The following CDK16 variants were observed in gnomAD, a reference collection of about 807,000 sequenced individuals.
CDK16 encodes the protein cyclin dependent kinase 16.
CDK16 carries 2 observed loss-of-function variants against 41.6 expected under a neutral mutation model. The ratio of observed to expected loss-of-function variants is 0.05; its 90% CI spans 0.02 to 0.15. The LOEUF is 0.15. Ranked by LOEUF, CDK16 falls within the 10% of genes least tolerant of loss-of-function variation. The pLI, the probability that CDK16 is intolerant of heterozygous loss-of-function variation, is 1.00. For missense variants in CDK16, 228 were observed against 428.9 expected, an observed-to-expected ratio of 0.53 and a Z score of 4.14; for synonymous variants, 169 against 169.7, an observed-to-expected ratio of 1.00 and a Z score of 0.03.
Position 47,224,683 on chromosome X carries a change from G to A in CDK16, c.402G>A (p.Leu134=). ...TGCCTGAGGGCTACCTGGAGAAGCT[G>A]ACCCTCAATAGCCCCATCTTTGACA... ...IRLPEGYLEK[L]TLNSPIFDKP... Residue 134 remains leucine (L), a synonymous_variant, in exon 4 of 16, where the codon CTG becomes CTA. Transcript: ENST00000357227. 1 of 1,211,513 alleles carries A rather than the reference G, an allele frequency of 8.3e-7. No homozygotes were observed.
rs377055494 is a variant in CDK16, at chrX:47,224,910, C to T, written c.519+20C>T. On this transcript the variant is annotated intron_variant, in intron 5 of 15. Transcript: ENST00000357227. The stretch of plus-strand genomic sequence containing the variant: ...GGCGAGGTGAGAGGCAAATAGGAGG[C>T]CCATGGTGGGGATGAAGGTCAGTGG... 929 of 1,205,278 alleles carry T rather than the reference C, an allele frequency of 7.7e-4. No individual in the cohort carries two copies. The highest frequency in any genetic ancestry group is 9.3e-4 in the Non-Finnish European group (829 of 891,580).
chrX:47,219,977 G>T lies in CDK16; in HGVS notation c.-7+872G>T, dbSNP rs782224644. ...GAATTGCGTGTCTGTCTGGGCCCAG[G>T]AAGGAGTGGTGGGGAAGTGTCTTAG... is the stretch of plus-strand genomic sequence containing the variant. On this transcript the variant is annotated intron_variant, in intron 1 of 15. Transcript: ENST00000357227. Among the ~76,000 whole-genome samples the T allele has an allele frequency of 7.2e-5, 8 of 110,732 alleles. No homozygotes were observed. The South Asian group carries it at 3.1e-3, about 43-fold the overall frequency.
rs1200465551 is a variant in CDK16 at position 47,224,714 on chromosome X, C to A, written c.433C>A (p.Leu145Ile). 1 of 1,209,909 alleles carries A rather than the reference C, an allele frequency of 8.3e-7. No individual in the cohort carries two copies. The highest frequency in any genetic ancestry group is 1.8e-5 in the African/African-American group (1 of 57,060). The change falls in exon 4 of 16, where the codon CTC becomes ATC. Residue 145 changes from leucine to isoleucine, a missense_variant. Leu to Ile is a conservative substitution (Grantham distance 5). Coordinates refer to ENST00000357227, the MANE Select transcript of CDK16 (RefSeq NM_006201.5). ...TLNSPIFDKP[L>I]SRRLRRVSLS... Reference sequence around the variant, plus strand: ...CAATAGCCCCATCTTTGACAAGCCCCTCAGCCGCCGCCTCCGTCGTGTCAG... The same window carrying A: ...CAATAGCCCCATCTTTGACAAGCCCATCAGCCGCCGCCTCCGTCGTGTCAG...
chrX:47,219,791 C>T (rs1379770400), intron 1 of CDK16, among the ~76,000 whole-genome samples: 2 of 110,494 alleles, frequency 1.8e-5, no homozygotes, highest in Non-Finnish European at 3.8e-5. Flanking sequence ...GTGTGTGCGC[C>T]AGTGGGGGTC....
chrX:47,220,965 G>C (rs1019831412), intron 1 of CDK16, among the ~76,000 whole-genome samples: 1 of 110,994 alleles, frequency 9.0e-6, no homozygotes, highest in South Asian at 3.8e-4. Flanking sequence ...CCAGGGAGGG[G>C]CCCAAGAATG....
chrX:47,228,470 G>A (rs948239678), intron 14 of CDK16, 97 bp from the exon 15 acceptor site: 3 of 663,064 alleles, frequency 4.5e-6, no homozygotes. Context: ...CTCAGAGAAG[G>A]GGCAGCTTTT....
chrX:47,218,706 G>A lies in CDK16; in HGVS notation c.-406G>A. ...CCACTTCACCCTTCCGAGCGCCTGC[G>A]TGCGCATGCGCGGAGCGCGGCGCGC... is the stretch of plus-strand genomic sequence containing the variant. On this transcript the variant is annotated 5_prime_UTR_variant, in exon 1 of 16. In the 5' UTR this introduces an upstream ATG that the reference lacks. Coordinates refer to ENST00000357227, the MANE Select transcript of CDK16 (RefSeq NM_006201.5). The A allele has an allele frequency of 8.6e-7, 1 of 1,164,575 alleles. No homozygotes were observed. The highest frequency in any genetic ancestry group is 1.1e-6 in the Non-Finnish European group (1 of 871,973).
In CDK16 at chrX:47,229,105, C is replaced by G. The variant is rs372981522; in HGVS notation, c.*337C>G. 4.2e-4 allele frequency: 150 copies of G among 355,502 alleles called. No homozygotes were observed. In the East Asian group the frequency reaches 6.6e-3, roughly 16 times the overall value. 29.3% of individuals were successfully genotyped at this position (355,502 alleles called of 1,213,427 possible). On this transcript the variant is annotated 3_prime_UTR_variant, in exon 16 of 16. Transcript: ENST00000357227. The stretch of plus-strand genomic sequence containing the variant: ...CATACCAGCCCCCAGGACCACTACC[C>G]CACGGCCAGCCAGGGGTCCAGAGCT...
chrX:47,223,870 C>A (rs755643650), intron 2 of CDK16, 111 bp downstream of exon 2: 7 of 621,192 alleles, frequency 1.1e-5, no homozygotes, highest in African/African-American at 1.1e-4. Flanking sequence ...TTCTCTGCCC[C>A]CCATGTGCTC....
In CDK16 at chrX:47,227,172, T is replaced by C. The variant is rs1602693572; in HGVS notation, c.1242-9T>C. On this transcript the variant is annotated splice_polypyrimidine_tract_variant and intron_variant, in intron 12 of 15. Coordinates refer to ENST00000357227, the MANE Select transcript of CDK16 (RefSeq NM_006201.5). ...CATTTTAAATCAGGTCTCTTTGTCCTTGTGGCAGACTTGATAGCGACGGGG... is the reference window on the plus strand; with the variant it reads ...CATTTTAAATCAGGTCTCTTTGTCCCTGTGGCAGACTTGATAGCGACGGGG... The C allele has an allele frequency of 4.1e-6, 5 of 1,210,388 alleles. No individual in the cohort carries two copies. In the East Asian group the frequency reaches 8.9e-5, roughly 21 times the overall value.
intron 8 of CDK16, 92 bp downstream of exon 8, chrX:47,226,119 CT>C: frequency 9.0e-7 from 1 of 1,117,222 alleles, no homozygotes; most frequent in Non-Finnish European, 1.2e-6. Flanking sequence ...TTCCCTTTGG[CT>C]TTTTTTGCTA....
At chrX:47,219,513 A>T (rs1343346311) in intron 1 of CDK16, among the ~76,000 whole-genome samples, 1 of 107,552 alleles carries the variant, frequency 9.3e-6, no homozygotes, top group African/African-American at 3.4e-5. Flanking sequence ...GAGGGACCCG[A>T]GGGTGTATAA....
At chrX:47,220,025 G>A (rs1220238700) in intron 1 of CDK16, among the ~76,000 whole-genome samples, 2 of 110,143 alleles carry the variant, frequency 1.8e-5, no homozygotes, top group Admixed American at 9.7e-5. Flanking sequence ...CTTAGTGGAC[G>A]AAGGGTAAAG....
chrX:47,219,069 G>A lies in CDK16; in HGVS notation c.-43G>A, dbSNP rs1289411658. ...CGCCGCCCCAGGCGCCGCCGCGCCG[G>A]CCCCGCGGCTCTGAGGTTGCTCGCG... is the stretch of plus-strand genomic sequence containing the variant. On this transcript the variant is annotated 5_prime_UTR_variant, in exon 1 of 16. Coordinates refer to ENST00000357227, the MANE Select transcript of CDK16 (RefSeq NM_006201.5). 1 of 819,051 alleles carries A rather than the reference G, an allele frequency of 1.2e-6. No individual in the cohort carries two copies. Among genetic ancestry groups the A allele is most frequent in the South Asian group, 3.9e-5 (1 of 25,355 alleles). The allele number at this position is 819,051 out of a possible 1,213,427, so 67.5% of individuals were successfully genotyped here.
At chrX:47,220,220 G>A (rs1937278975) in intron 1 of CDK16, among the ~76,000 whole-genome samples, 1 of 108,889 alleles carries the variant, frequency 9.2e-6, no homozygotes, top group African/African-American at 3.4e-5. Flanking sequence ...ATAAGCATCA[G>A]AACCTTGTGA....
Position 47,226,035 on chromosome X carries a change from TG to T in CDK16, c.792+12del, listed in dbSNP as rs746417144. 1.7e-6 allele frequency: 2 copies of T among 1,193,551 alleles called. No homozygotes were observed. The highest frequency in any genetic ancestry group is 4.6e-5 in the Admixed American group (2 of 43,398). On this transcript the variant is annotated intron_variant, in intron 8 of 15. Transcript: ENST00000357227. ...AACATGCACAACGTGAAAGTGGGTG[TG>T]GGGCAGGAAGCAGGGGCACAAGGGG...
At chrX:47,219,387 T>TG (rs782170413) in intron 1 of CDK16, among the ~76,000 whole-genome samples, 1 of 93,445 alleles carries the variant, frequency 1.1e-5, no homozygotes, top group East Asian at 3.7e-4. Context: ...GTGAAAGACT[T>TG]GGGGGGGTTG....
rs1459783397 is a variant in CDK16 at position 47,218,771 on chromosome X, C to A, written c.-341C>A. On this transcript the variant is annotated 5_prime_UTR_variant, in exon 1 of 16. Coordinates refer to ENST00000357227, the MANE Select transcript of CDK16 (RefSeq NM_006201.5). ...GTTGGCTGTTCGGCCCTGGGATCCG[C>A]CGCCACTCCGCGATCAGACCGCTCT... is the stretch of plus-strand genomic sequence containing the variant. 3 of 1,153,894 alleles carry A rather than the reference C, an allele frequency of 2.6e-6. No individual in the cohort carries two copies. The African/African-American group carries it at 5.4e-5, about 21-fold the overall frequency.
At chrX:47,223,104 C>T in intron 1 of CDK16, 2 of 1,156,564 alleles carry the variant, frequency 1.7e-6, no homozygotes, top group Non-Finnish European at 2.3e-6. Flanking sequence ...CTATGCCACT[C>T]TATGGCCGTG....
Sources: gnomAD v4.1 joint callset for allele counts (sites outside exome capture counted in the v4.1 genomes callset) on GRCh38, gnomAD v4.1.1 for gene constraint, MANE v1.5 for transcripts, NCBI Gene and HGNC (gene_info 2026-07-23, HGNC 2026-07-21) for gene names.